Variants in ABCA3 observed in about 807,000 individuals in gnomAD.
ABCA3 encodes the protein ATP binding cassette subfamily A member 3.
In ABCA3, 88 loss-of-function variants were observed where a neutral mutation model predicts 172.8. The ratio of observed to expected loss-of-function variants is 0.51; its 90% CI spans 0.43 to 0.61. ABCA3 has a LOEUF of 0.61. Among genes scored for constraint, ABCA3 ranks in the 20% least tolerant of loss-of-function variants. ABCA3 has a pLI of 0.00. For missense variants in ABCA3, 2,164 were observed against 2,301.0 expected (o/e 0.94, Z 1.22); for synonymous variants, 1,066 against 983.8 (o/e 1.08, Z -1.56).
intron 12 of ABCA3, among the ~76,000 whole-genome samples, chr16:2,300,968 A>T (rs187936399): frequency 3.7e-4 from 56 of 150,222 alleles, no homozygotes; most frequent in Admixed American, 1.6e-3. Flanking sequence ...CGGTGGCTCG[A>T]GCCTGTAATC....
At chr16:2,324,681 G>T (rs538863909) in intron 5 of ABCA3, 150 bp from the exon 6 acceptor site, 16 of 1,250,590 alleles carry the variant, frequency 1.3e-5, no homozygotes, top group Non-Finnish European at 1.8e-5. Context: ...TTTCATCTTT[G>T]GCAGAGAGAC....
At position 2,299,484 on chromosome 16, in the gene ABCA3, G is replaced by T; in HGVS notation, c.1660C>A (p.Leu554Ile). The T allele has an allele frequency of 6.2e-7, 1 of 1,613,884 alleles. No homozygotes were observed. The highest frequency in any genetic ancestry group is 8.5e-7 in the Non-Finnish European group (1 of 1,179,980). Reference protein sequence around the residue: ...KDRAAVRDLNLNLYEGQITVL... With the variant: ...KDRAAVRDLNINLYEGQITVL... The stretch of plus-strand genomic sequence containing the variant: ...GTGATCTGTCCCTCGTACAGGTTGA[G>T]GTTCAGGTCTCTGACGGCCGCCCTG... Residue 554 changes from leucine (L) to isoleucine (I), a missense_variant, in exon 14 of 33, where the codon CTC becomes ATC. Leu to Ile is a conservative substitution (Grantham distance 5). Coordinates refer to ENST00000301732, the MANE Select transcript of ABCA3 (RefSeq NM_001089.3).
chr16:2,303,252 C>CT (rs1298963560), intron 12 of ABCA3, among the ~76,000 whole-genome samples: 2 of 151,144 alleles, frequency 1.3e-5, no homozygotes, highest in South Asian at 4.2e-4. Flanking sequence ...GGAATCCGAA[C>CT]TTTTTTTCTC....
In ABCA3 at chr16:2,326,102, T is replaced by C; in HGVS notation, c.227A>G (p.Asp76Gly). Residue 76 changes from aspartate (D) to glycine (G), a missense_variant, in exon 5 of 33, where the codon GAC (aspartate) becomes GGC (glycine). This residue lies in a region of ABCA3 where 1,343 missense variants were observed against 1,369.6 expected (regional missense o/e 0.98). Coordinates refer to ENST00000301732, the MANE Select transcript of ABCA3 (RefSeq NM_001089.3). The stretch of plus-strand genomic sequence containing the variant: ...AGGGATGTAGGCAAGCTCCCAGGTG[T>C]CTCCTGGCGGAGGGAAGGTGAAGAA... ...PLFFTFPPPG[D>G]TWELAYIPSH... 6.2e-7 allele frequency: 1 copy of C among 1,613,982 alleles called. No homozygotes were observed. The highest frequency in any genetic ancestry group is 1.1e-5 in the South Asian group (1 of 91,068).
Position 2,340,632 on chromosome 16 carries a change from C to T in ABCA3, c.-598G>A, listed in dbSNP as rs1300530131. ...GCGGCCCTCTCGCGGGGTCCCCTCC[C>T]TCGGCCACCCGGGCTCCGCTCCAGC... On this transcript the variant is annotated 5_prime_UTR_variant, in exon 1 of 33. Coordinates refer to ENST00000301732, the MANE Select transcript of ABCA3 (RefSeq NM_001089.3). 3 of 149,624 alleles carry T rather than the reference C, an allele frequency of 2.0e-5. No individual in the cohort carries two copies. Among genetic ancestry groups the T allele is most frequent in the Non-Finnish European group, 4.5e-5 (3 of 66,980 alleles). 9.3% of individuals were successfully genotyped at this position (149,624 alleles called of 1,614,324 possible). A position where few individuals can be genotyped will look rare whatever the true frequency, so the allele number is the denominator to read the frequency against.
At chr16:2,339,950 A>T (rs576850512) in intron 1 of ABCA3, among the ~76,000 whole-genome samples, 44 of 152,324 alleles carry the variant, frequency 2.9e-4, no homozygotes, top group African/African-American at 9.6e-4. Flanking sequence ...CGACTGCCAC[A>T]AGCCCCTCCG....
At chr16:2,320,455 T>C (rs2093724340) in intron 7 of ABCA3, among the ~76,000 whole-genome samples, 1 of 150,438 alleles carries the variant, frequency 6.6e-6, no homozygotes, top group Non-Finnish European at 1.5e-5. Context: ...AGTGGCGCGA[T>C]CTCGGCTCAC....
At position 2,298,054 on chromosome 16, in the gene ABCA3, C is replaced by T. The variant is rs532139610; in HGVS notation, c.1897-133G>A. On this transcript the variant is annotated intron_variant, in intron 15 of 32. Coordinates refer to ENST00000301732, the MANE Select transcript of ABCA3 (RefSeq NM_001089.3). ...GCAGGGCTCCTGGCGGGAGGCCGAC[C>T]ACGGCCAGCAAGGTTCTGGTGAGAG... The T allele has an allele frequency of 5.4e-5, 47 of 865,008 alleles. 1 individual carries two copies. In the African/African-American group the frequency reaches 6.9e-4, roughly 13 times the overall value. 53.6% of individuals were successfully genotyped at this position (865,008 alleles called of 1,614,324 possible).
chr16:2,283,464 CAAT>C lies in ABCA3; in HGVS notation c.3863-109_3863-107del. ...CCCAGGCTGCTCAAGGCGCCTGTAA[CAAT>C]GTCCCCTCCATGGGGAGATGTGAAG... On this transcript the variant is annotated intron_variant, in intron 25 of 32. Transcript: ENST00000301732. This position sits in a 1 kb window ranked among gnomAD's most constrained non-coding sequence, Gnocchi z 5.4. 2 of 1,328,410 alleles carry C rather than the reference CAAT, an allele frequency of 1.5e-6. No individual in the cohort carries two copies. The highest frequency in any genetic ancestry group is 1.5e-5 in the African/African-American group (1 of 68,212). The allele number at this position is 1,328,410 out of a possible 1,614,324, so 82.3% of individuals were successfully genotyped here. A position where few individuals can be genotyped will look rare whatever the true frequency, so the allele number is the denominator to read the frequency against.
At chr16:2,301,336 GGTCA>G (rs1183818515) in intron 12 of ABCA3, among the ~76,000 whole-genome samples, 2 of 152,062 alleles carry the variant, frequency 1.3e-5, no homozygotes, top group Admixed American at 6.6e-5. Flanking sequence ...TACCTCTAAC[GGTCA>G]GTGTCATCTT....
rs980976171 is a variant in ABCA3 at position 2,304,260 on chromosome 16, T to C, written c.1286-110A>G. Reference sequence around the variant, plus strand: ...ACATTTGACCTTGCATGGCCACTGCTTGGTTGGCATGCCTTTTCCCTTCCC... The same window carrying C: ...ACATTTGACCTTGCATGGCCACTGCCTGGTTGGCATGCCTTTTCCCTTCCC... On this transcript the variant is annotated intron_variant, in intron 11 of 32. Transcript: ENST00000301732. 3.5e-6 allele frequency: 4 copies of C among 1,135,126 alleles called. No individual in the cohort carries two copies. The African/African-American group carries it at 4.6e-5, about 13-fold the overall frequency. The allele number at this position is 1,135,126 out of a possible 1,614,324, so 70.3% of individuals were successfully genotyped here.
chr16:2,325,507 G>A (rs1240984227), intron 5 of ABCA3, among the ~76,000 whole-genome samples: 1 of 152,168 alleles, frequency 6.6e-6, no homozygotes, highest in African/African-American at 2.4e-5. Context: ...TGGGCTTGAT[G>A]GCTTCCTAGT....
intron 10 of ABCA3, among the ~76,000 whole-genome samples, chr16:2,315,754 C>T (rs982388013): frequency 1.3e-5 from 2 of 151,982 alleles, no homozygotes; most frequent in African/African-American, 2.4e-5. Flanking sequence ...ACATCCGCCA[C>T]CTGGGCTTAA....
chr16:2,303,530 A>G (rs1056621454), intron 12 of ABCA3, among the ~76,000 whole-genome samples: 5 of 152,072 alleles, frequency 3.3e-5, no homozygotes, highest in Admixed American at 2.0e-4. Flanking sequence ...TTGGCCTCCC[A>G]AAGAGCTGGG....
rs372978487 is a variant in ABCA3 at position 2,278,105 on chromosome 16, G to A, written c.4719-36C>T. The stretch of plus-strand genomic sequence containing the variant: ...GGCGGGACCTCAGATAGGGCTTGGG[G>A]TGCCAAAGGCTTGTGCAGACAGGAA... On this transcript the variant is annotated intron_variant, in intron 30 of 32. Coordinates refer to ENST00000301732, the MANE Select transcript of ABCA3 (RefSeq NM_001089.3). This position sits in a 1 kb window ranked among gnomAD's most constrained non-coding sequence, Gnocchi z 4.4. 15 of 1,612,354 alleles carry A rather than the reference G, an allele frequency of 9.3e-6. No homozygotes were observed. Among genetic ancestry groups the A allele is most frequent in the Admixed American group, 1.7e-5 (1 of 59,936 alleles).
Position 2,279,151 on chromosome 16 carries a change from G to A in ABCA3, c.4360-21C>T. The stretch of plus-strand genomic sequence containing the variant: ...CGCACCTGGGGTCGGAGCATAGCCG[G>A]GGAGGGAGGCGGGTTGGAGGGAAGC... On this transcript the variant is annotated intron_variant, in intron 28 of 32. Coordinates refer to ENST00000301732, the MANE Select transcript of ABCA3 (RefSeq NM_001089.3). The surrounding 1 kb of genome is among the most constrained non-coding windows in gnomAD (Gnocchi z 4.4). The A allele has an allele frequency of 1.2e-6, 2 of 1,608,418 alleles. No individual in the cohort carries two copies.
At chr16:2,299,861 G>C in intron 13 of ABCA3, 144 bp downstream of exon 13, 1 of 1,213,822 alleles carries the variant, frequency 8.2e-7, no homozygotes, top group East Asian at 2.3e-5. Context: ...GAGGGCAGCG[G>C]AGGGTTCCTG....
intron 18 of ABCA3, among the ~76,000 whole-genome samples, chr16:2,293,568 T>C (rs1244970878): frequency 1.3e-5 from 2 of 150,972 alleles, no homozygotes; most frequent in Non-Finnish European, 3.0e-5. Context: ...GACTGAGTCT[T>C]GCTCTGTCAC....
rs146349964 is a variant in ABCA3 at position 2,317,288 on chromosome 16, C to T, written c.1106G>A (p.Ser369Asn). 2.4e-5 allele frequency: 39 copies of T among 1,613,884 alleles called. No homozygotes were observed. The highest frequency in any genetic ancestry group is 3.2e-5 in the Non-Finnish European group (38 of 1,179,998). ...SFSFMVSTFF[S>N]KANMAAAFGG... is the part of the protein sequence containing the mutation. Reference sequence around the variant, plus strand: ...GCCCCATGACTGGGGCTCACCTTTGCTGAAGAAGGTGCTGACCATGAAGCT... The same window carrying T: ...GCCCCATGACTGGGGCTCACCTTTGTTGAAGAAGGTGCTGACCATGAAGCT... Residue 369 changes from serine (S) to asparagine (N), a missense_variant, in exon 10 of 33, where the codon AGC (serine) becomes AAC (asparagine). Coordinates refer to ENST00000301732, the MANE Select transcript of ABCA3 (RefSeq NM_001089.3).
Sources: gnomAD v4.1 joint callset for allele counts (sites outside exome capture counted in the v4.1 genomes callset) on GRCh38, gnomAD v4.1.1 for gene constraint, gnomAD v4.1.1 regional missense constraint, Gnocchi (gnomAD v3.1) non-coding constraint, MANE v1.5 for transcripts, NCBI Gene and HGNC (gene_info 2026-07-23, HGNC 2026-07-21) for gene names.